ST8SIA6: variants seen among roughly 807,000 people sequenced by gnomAD.
ST8SIA6 encodes alpha-2,8-sialyltransferase 8F.
ST8SIA6 carries 39 observed loss-of-function variants against 33.6 expected under a neutral mutation model. The observed-to-expected ratio is 1.16, with a 90% CI of 0.90 to 1.52. ST8SIA6 has a LOEUF of 1.52. Ranked by LOEUF, ST8SIA6 falls within the 40% of genes most tolerant of loss-of-function variation. The pLI is 0.00. For synonymous variants in ST8SIA6, 172 were observed against 167.2 expected, an observed-to-expected ratio of 1.03 and a Z score of -0.22; for missense variants, 441 against 443.8, an observed-to-expected ratio of 0.99 and a Z score of 0.06.
intron 6 of ST8SIA6, among the ~76,000 whole-genome samples, chr10:17,325,484 A>T (rs1042223653): frequency 2.0e-5 from 3 of 150,438 alleles, no homozygotes; most frequent in Non-Finnish European, 4.4e-5. Context: ...GTGATTATAT[A>T]TTACTACTAC....
At position 17,318,364 on chromosome 10, in the gene ST8SIA6, C is replaced by T. The variant is rs563862113; in HGVS notation, c.*2514G>A. 1.4e-4 allele frequency: 36 copies of T among 256,816 alleles called. No homozygotes were observed. The highest frequency in any genetic ancestry group is 5.2e-4 in the African/African-American group (23 of 44,250). The allele number at this position is 256,816 out of a possible 1,614,324, so 15.9% of individuals were successfully genotyped here. A position where few individuals can be genotyped will look rare whatever the true frequency, so the allele number is the denominator to read the frequency against. ...CCAAGTAGCTGGGACCACAGGTGCA[C>T]GCCACTATGCTCAGCTAATTTTTTT... On this transcript the variant is annotated 3_prime_UTR_variant, in exon 8 of 8. Transcript: ENST00000377602.
intron 2 of ST8SIA6, chr10:17,399,049 C>T (rs573311513): frequency 3.9e-5 from 6 of 152,288 alleles, no homozygotes; most frequent in African/African-American, 1.4e-4. Flanking sequence ...ATTTATAAAT[C>T]GTCTTGTATG....
At chr10:17,432,546 C>T (rs1281523460) in intron 2 of ST8SIA6, among the ~76,000 whole-genome samples, 1 of 152,138 alleles carries the variant, frequency 6.6e-6, no homozygotes, top group East Asian at 1.9e-4. Context: ...AAAAATATAG[C>T]CAACAAATGC....
rs1177388693 is a variant in ST8SIA6, at chr10:17,437,705, CCCTT to C, written c.200+15850_200+15853del. Among the ~76,000 whole-genome samples the C allele has an allele frequency of 4.0e-5, 6 of 149,506 alleles. No individual in the cohort carries two copies. The East Asian group carries it at 1.2e-3, about 30-fold the overall frequency. On this transcript the variant is annotated intron_variant, in intron 2 of 7. Transcript: ENST00000377602. ...TTTCTCTTTCTCCCTTCCCTTCCTT[CCCTT>C]CCTTCCCTTCCCTCCCTTCCCTCCC...
intron 4 of ST8SIA6, among the ~76,000 whole-genome samples, chr10:17,333,715 A>ATT (rs1564405142): frequency 8.5e-5 from 3 of 35,410 alleles, no homozygotes; most frequent in African/African-American, 2.2e-4. Flanking sequence ...ATATATATAT[A>ATT]TATTTTTTTT....
intron 2 of ST8SIA6, among the ~76,000 whole-genome samples, chr10:17,415,803 C>CTTTTTTT (rs968920842): frequency 1.1e-4 from 10 of 92,206 alleles, no homozygotes; most frequent in South Asian, 3.7e-4. Flanking sequence ...CCTCACTTGT[C>CTTTTTTT]TTTTTTTTTT....
chr10:17,426,190 C>T (rs559363761), intron 2 of ST8SIA6, among the ~76,000 whole-genome samples: 2 of 152,254 alleles, frequency 1.3e-5, no homozygotes, highest in South Asian at 4.2e-4. Flanking sequence ...GTGTGGCACG[C>T]GATGTCCTCT....
chr10:17,354,252 A>G (rs373857445), intron 4 of ST8SIA6, among the ~76,000 whole-genome samples: 2 of 152,250 alleles, frequency 1.3e-5, no homozygotes, highest in African/African-American at 4.8e-5. Context: ...AACCATCTCA[A>G]TGTTATTCTC....
At position 17,331,542 on chromosome 10, in the gene ST8SIA6, C is replaced by T. The variant is rs367762433; in HGVS notation, c.388G>A (p.Ala130Thr). ...TTTTGAACAGCATCACAGCAGGAAG[C>T]AAGTTTGGCTCTGCAAAGGAAAAGG... ...EEYANFRAKL[A>T]SCCDAVQNFV... Residue 130 changes from alanine (A) to threonine (T), a missense_variant, in exon 5 of 8, where the codon GCT becomes ACT. Transcript: ENST00000377602. The T allele has an allele frequency of 6.2e-7, 1 of 1,605,972 alleles. No homozygotes were observed. Among genetic ancestry groups the T allele is most frequent in the Non-Finnish European group, 8.5e-7 (1 of 1,177,768 alleles).
chr10:17,405,045 G>A (rs1375579371), intron 2 of ST8SIA6, among the ~76,000 whole-genome samples: 1 of 152,212 alleles, frequency 6.6e-6, no homozygotes, highest in Non-Finnish European at 1.5e-5. Context: ...CAGCTCAATA[G>A]TTCTGATCTA....
At chr10:17,433,480 ATAATACT>A (rs1372545591) in intron 2 of ST8SIA6, among the ~76,000 whole-genome samples, 1 of 152,206 alleles carries the variant, frequency 6.6e-6, no homozygotes, top group Non-Finnish European at 1.5e-5. Context: ...TATAAACATA[ATAATACT>A]TAATGTTCAT....
intron 3 of ST8SIA6, among the ~76,000 whole-genome samples, chr10:17,386,412 G>A (rs552765187): frequency 1.3e-5 from 2 of 151,998 alleles, no homozygotes; most frequent in African/African-American, 2.4e-5. Context: ...GGTGGCACGC[G>A]CCTGTAGTCC....
chr10:17,432,655 C>T (rs1852137255), intron 2 of ST8SIA6, among the ~76,000 whole-genome samples: 1 of 152,124 alleles, frequency 6.6e-6, no homozygotes, highest in Non-Finnish European at 1.5e-5. Flanking sequence ...CTTAATGGCT[C>T]AAGGAAACAG....
intron 3 of ST8SIA6, chr10:17,386,829 C>G (rs1028273569): frequency 1.3e-5 from 2 of 152,214 alleles, no homozygotes; most frequent in Admixed American, 6.5e-5. Flanking sequence ...CTACGTGATA[C>G]CCGGTAGGCC....
At chr10:17,347,948 T>C (rs61844964) in intron 4 of ST8SIA6, among the ~76,000 whole-genome samples, 24,564 of 121,498 alleles carry the variant, frequency 0.2, 2,425 homozygotes, top group African/African-American at 0.26. Flanking sequence ...GGTGAGACTC[T>C]GTCTCAAAAA....
chr10:17,432,893 C>T (rs994955961), intron 2 of ST8SIA6, among the ~76,000 whole-genome samples: 4 of 152,182 alleles, frequency 2.6e-5, no homozygotes, highest in African/African-American at 9.7e-5. Flanking sequence ...ATAAGACAAA[C>T]GCCAACCTGT....
At chr10:17,352,506 G>T (rs1317608077) in intron 4 of ST8SIA6, among the ~76,000 whole-genome samples, 1 of 152,114 alleles carries the variant, frequency 6.6e-6, no homozygotes, top group Non-Finnish European at 1.5e-5. Context: ...TACCAATGAA[G>T]ACATGGCAAG....
intron 2 of ST8SIA6, among the ~76,000 whole-genome samples, chr10:17,440,957 T>C (rs2131736005): frequency 6.6e-6 from 1 of 152,358 alleles, no homozygotes; most frequent in Middle Eastern, 3.4e-3. Context: ...TGGGGTTGTC[T>C]TCTTGTTAAT....
At chr10:17,321,495 A>C in intron 7 of ST8SIA6, 149 bp from the exon 8 acceptor site, 1 of 617,892 alleles carries the variant, frequency 1.6e-6, no homozygotes, top group Non-Finnish European at 2.7e-6. Flanking sequence ...CTCAGAGAAA[A>C]CTCATTCAAG....
Sources: allele counts gnomAD v4.1 joint callset (sites outside exome capture counted in the v4.1 genomes callset), GRCh38; gene constraint gnomAD v4.1.1; transcripts MANE v1.5; gene names NCBI Gene and HGNC (gene_info 2026-07-23, HGNC 2026-07-21).